Variants in BLVRA observed in about 807,000 individuals in gnomAD.
The protein encoded by BLVRA is biliverdin reductase A.
BLVRA carries 22 observed loss-of-function variants against 32.8 expected under a neutral mutation model. The observed-to-expected ratio is 0.67, with a 90% confidence interval of 0.48 to 0.96. The LOEUF (loss-of-function observed/expected upper bound fraction) is 0.96. BLVRA is among the 40% of genes least tolerant of loss of function. BLVRA has a pLI of 0.00. For synonymous variants in BLVRA, 119 were observed against 141.3 expected, an observed-to-expected ratio of 0.84 and a Z score of 1.12; for missense variants, 323 against 358.1, an observed-to-expected ratio of 0.90 and a Z score of 0.79.
intron 1 of BLVRA, among the ~76,000 whole-genome samples, chr7:43,768,802 G>A (rs1008463401): frequency 3.3e-5 from 5 of 152,056 alleles, no homozygotes; most frequent in Non-Finnish European, 7.4e-5. Flanking sequence ...AGGGGAGGGC[G>A]AGCAGAGTGT....
At chr7:43,784,360 G>A (rs995753780) in intron 2 of BLVRA, among the ~76,000 whole-genome samples, 2 of 152,004 alleles carry the variant, frequency 1.3e-5, no homozygotes, top group Non-Finnish European at 2.9e-5. Flanking sequence ...GCTAACCTGC[G>A]TGCACTTTCC....
At chr7:43,779,338 C>T (rs1331831440) in intron 2 of BLVRA, among the ~76,000 whole-genome samples, 3 of 152,264 alleles carry the variant, frequency 2.0e-5, no homozygotes, top group Non-Finnish European at 4.4e-5. Flanking sequence ...AAAAAAGATA[C>T]CTGCAGTTAA....
intron 2 of BLVRA, among the ~76,000 whole-genome samples, chr7:43,778,479 C>T (rs916370975): frequency 3.3e-5 from 5 of 152,184 alleles, no homozygotes; most frequent in African/African-American, 1.2e-4. Context: ...AGCGGATTTT[C>T]GTGAACCGCA....
At chr7:43,761,646 A>C (rs1456529737) in intron 1 of BLVRA, among the ~76,000 whole-genome samples, 1 of 152,180 alleles carries the variant, frequency 6.6e-6, no homozygotes, top group Non-Finnish European at 1.5e-5. Flanking sequence ...AGTTATAGGG[A>C]AAATTTTCTG....
At chr7:43,767,852 AAAAG>A (rs1366882917) in intron 1 of BLVRA, among the ~76,000 whole-genome samples, 2 of 152,056 alleles carry the variant, frequency 1.3e-5, no homozygotes, top group Admixed American at 6.6e-5. Flanking sequence ...TTACAAAAAA[AAAAG>A]AAAGGGAGAG....
intron 2 of BLVRA, among the ~76,000 whole-genome samples, chr7:43,772,848 T>C (rs2095756136): frequency 6.6e-6 from 1 of 152,186 alleles, no homozygotes; most frequent in African/African-American, 2.4e-5. Context: ...GGCTCCTCCC[T>C]TGACACACAG....
intron 1 of BLVRA, among the ~76,000 whole-genome samples, chr7:43,766,552 C>G (rs1441242034): frequency 6.6e-6 from 1 of 152,154 alleles, no homozygotes; most frequent in East Asian, 1.9e-4. Flanking sequence ...CTCCTTGATT[C>G]TGTTCAGAGT....
At chr7:43,778,660 G>A (rs1298851051) in intron 2 of BLVRA, among the ~76,000 whole-genome samples, 2 of 152,214 alleles carry the variant, frequency 1.3e-5, no homozygotes, top group African/African-American at 4.8e-5. Context: ...CTGCGTGCTG[G>A]GAGAACCACT....
rs138636653 is a variant in BLVRA, at chr7:43,791,329, A to G, written c.215A>G (p.Tyr72Cys). 1.4e-4 allele frequency: 221 copies of G among 1,614,096 alleles called. No individual in the cohort carries two copies. Among genetic ancestry groups the G allele is most frequent in the Non-Finnish European group, 3.2e-5 (38 of 1,180,038 alleles). The change falls in exon 4 of 8, where the codon TAT becomes TGT. Residue 72 changes from tyrosine to cysteine, a missense_variant. Transcript: ENST00000265523. ...TCCAGCCAAGAGGTGGAGGTCGCCT[A>G]TATCTGCAGTGAGAGCTCCAGCCAT... ...ALSSQEVEVA[Y>C]ICSESSSHED... is the part of the protein sequence containing the mutation.
At chr7:43,775,931 G>A (rs1174710096) in intron 2 of BLVRA, among the ~76,000 whole-genome samples, 2 of 152,170 alleles carry the variant, frequency 1.3e-5, no homozygotes, top group Non-Finnish European at 2.9e-5. Context: ...TTTGCGTAGA[G>A]GTGTTTGTAG....
chr7:43,770,081 C>G (rs1028282554), intron 1 of BLVRA, among the ~76,000 whole-genome samples: 2 of 152,210 alleles, frequency 1.3e-5, no homozygotes, highest in Non-Finnish European at 2.9e-5. Flanking sequence ...AGATCAAATG[C>G]TGTGCTGGGT....
intron 5 of BLVRA, among the ~76,000 whole-genome samples, chr7:43,798,226 A>AAAAAT (rs1563550433): frequency 1.4e-5 from 2 of 141,602 alleles, no homozygotes; most frequent in African/African-American, 2.6e-5. Flanking sequence ...AAAAAAAAAA[A>AAAAAT]GGAAACGATG....
At chr7:43,798,574 C>T (rs1396199315) in intron 5 of BLVRA, among the ~76,000 whole-genome samples, 1 of 152,184 alleles carries the variant, frequency 6.6e-6, no homozygotes, top group Non-Finnish European at 1.5e-5. Context: ...TGCCAGCTCC[C>T]TTGTCATTTT....
intron 1 of BLVRA, chr7:43,767,304 T>G: frequency 7.7e-7 from 1 of 1,291,916 alleles, no homozygotes; most frequent in Non-Finnish European, 1.1e-6. Context: ...AGCACCCAGA[T>G]AAAGTGGCGC....
chr7:43,767,462 C>T, intron 1 of BLVRA: 1 of 1,458,722 alleles, frequency 6.9e-7, no homozygotes, highest in Non-Finnish European at 9.6e-7. Context: ...TGGAGGCGCC[C>T]TTGGGATATC....
chr7:43,790,187 G>A (rs1486807321), intron 3 of BLVRA, among the ~76,000 whole-genome samples: 1 of 151,888 alleles, frequency 6.6e-6, no homozygotes, highest in Non-Finnish European at 1.5e-5. Context: ...ACCCTTAGAG[G>A]GCTACTCTCC....
chr7:43,768,853 T>C (rs919851191), intron 1 of BLVRA, among the ~76,000 whole-genome samples: 1 of 151,756 alleles, frequency 6.6e-6, no homozygotes. Flanking sequence ...TCATGCACCC[T>C]CCTACTTAGA....
intron 3 of BLVRA, among the ~76,000 whole-genome samples, chr7:43,788,228 G>A (rs1351828263): frequency 1.3e-5 from 2 of 152,348 alleles, no homozygotes; most frequent in South Asian, 4.1e-4. Context: ...GGGATGCACA[G>A]TAGGTTGGCC....
At position 43,787,224 on chromosome 7, in the gene BLVRA, A is replaced by C. The variant is rs1048954216; in HGVS notation, c.13-680A>C. On this transcript the variant is annotated intron_variant, in intron 2 of 7. Transcript: ENST00000265523. This position sits in a 1 kb window ranked among gnomAD's most constrained non-coding sequence, Gnocchi z 4.5. The stretch of plus-strand genomic sequence containing the variant: ...AGGCGTGAGCCACCGTGCCCAGTGC[A>C]TGGAGATAAATTTTATCAGTTTTTA... Among the ~76,000 whole-genome samples, 2 of 152,196 alleles carry C rather than the reference A, an allele frequency of 1.3e-5. No homozygotes were observed. Among genetic ancestry groups the C allele is most frequent in the African/African-American group, 2.4e-5 (1 of 41,450 alleles).
Sources: gnomAD v4.1 joint callset for allele counts (sites outside exome capture counted in the v4.1 genomes callset) on GRCh38, gnomAD v4.1.1 for gene constraint, Gnocchi (gnomAD v3.1) non-coding constraint, MANE v1.5 for transcripts, NCBI Gene and HGNC (gene_info 2026-07-23, HGNC 2026-07-21) for gene names.